The following ARHGAP35 variants were observed in gnomAD, a reference collection of about 807,000 sequenced individuals.
ARHGAP35 encodes the protein Rho GTPase activating protein 35.
ARHGAP35 carries 15 observed loss-of-function variants against 111.1 expected under a neutral mutation model. The observed-to-expected ratio is 0.13, with a 90% CI of 0.09 to 0.21. The LOEUF (loss-of-function observed/expected upper bound fraction) is 0.21, where lower values mean the gene tolerates loss of function less well. Ranked by LOEUF, ARHGAP35 falls within the 10% of genes least tolerant of loss-of-function variation. The probability of loss-of-function intolerance (pLI) is 1.00; values close to 1 mark genes in which losing one functional copy is unlikely to be tolerated. For synonymous variants in ARHGAP35, 643 were observed against 710.3 expected, an observed-to-expected ratio of 0.91 and a Z score of 1.51; for missense variants, 1,262 against 1,873.0, an observed-to-expected ratio of 0.67 and a Z score of 6.02.
intron 1 of ARHGAP35, among the ~76,000 whole-genome samples, chr19:46,862,872 C>G (rs192694527): frequency 1.3e-5 from 2 of 152,258 alleles, no homozygotes; most frequent in Admixed American, 1.3e-4. Flanking sequence ...TGTTCTGCCT[C>G]TTGTCTTCTT....
In ARHGAP35 at chr19:46,993,806, A is replaced by G. The variant is rs138557196; in HGVS notation, c.4036+4131A>G. Reference sequence around the variant, plus strand: ...GAGCAGAGCCACCTGGAGCCAAGCCAAGCAAAGGGGTGAGCGCAGTGTGGA... The same window carrying G: ...GAGCAGAGCCACCTGGAGCCAAGCCGAGCAAAGGGGTGAGCGCAGTGTGGA... On this transcript the variant is annotated intron_variant, in intron 5 of 6. Transcript: ENST00000672722. This position sits in a 1 kb window ranked among gnomAD's most constrained non-coding sequence, Gnocchi z 4.6. 6.6e-6 allele frequency among the ~76,000 whole-genome samples: 1 copy of G among 152,074 alleles called. No individual in the cohort carries two copies. Among genetic ancestry groups the G allele is most frequent in the Non-Finnish European group, 1.5e-5 (1 of 67,974 alleles).
At chr19:46,872,753 C>T (rs998434863) in intron 1 of ARHGAP35, among the ~76,000 whole-genome samples, 12 of 151,708 alleles carry the variant, frequency 7.9e-5, no homozygotes, top group Admixed American at 3.3e-4. Context: ...TGGTGGCAGG[C>T]GCCTGTAGTC....
At chr19:46,897,455 T>G (rs2056063432) in intron 1 of ARHGAP35, among the ~76,000 whole-genome samples, 1 of 151,776 alleles carries the variant, frequency 6.6e-6, no homozygotes, top group Non-Finnish European at 1.5e-5. Context: ...GTCTTTTTTT[T>G]TTTTTTTACG....
At chr19:46,941,876 T>TGAA (rs375006467) in intron 3 of ARHGAP35, among the ~76,000 whole-genome samples, 38 of 94,538 alleles carry the variant, frequency 4.0e-4, no homozygotes, top group African/African-American at 1.6e-3. Context: ...CCTGTCTCTT[T>TGAA]AAAAAAAAAA....
rs1488824958 is a variant in ARHGAP35, at chr19:46,955,374, T to A, written c.3826+17966T>A. 2.0e-5 allele frequency among the ~76,000 whole-genome samples: 3 copies of A among 152,208 alleles called. No individual in the cohort carries two copies. The East Asian group carries it at 5.8e-4, about 29-fold the overall frequency. On this transcript the variant is annotated intron_variant, in intron 3 of 6. Transcript: ENST00000672722. The stretch of plus-strand genomic sequence containing the variant: ...GTTTGAATAACAATAATGATGAGGA[T>A]AGCTAACATTGATAAGCATTATTTC...
intron 1 of ARHGAP35, among the ~76,000 whole-genome samples, chr19:46,907,623 C>A (rs2056117127): frequency 6.6e-6 from 1 of 151,710 alleles, no homozygotes; most frequent in Non-Finnish European, 1.5e-5. Context: ...GGACTACAGG[C>A]GCCCACCACT....
intron 3 of ARHGAP35, among the ~76,000 whole-genome samples, chr19:46,951,684 G>T (rs1412511544): frequency 2.0e-5 from 3 of 152,148 alleles, no homozygotes; most frequent in African/African-American, 4.8e-5. Context: ...TACTGTTGTT[G>T]GTGTTATTAT....
At chr19:46,966,513 T>C (rs8113649) in intron 3 of ARHGAP35, among the ~76,000 whole-genome samples, 35,995 of 152,126 alleles carry the variant, frequency 0.24, 4,482 homozygotes, top group Non-Finnish European at 0.28. Flanking sequence ...TGCACCACTG[T>C]ACTCCAGCCT....
At chr19:46,971,403 C>G (rs185415645) in intron 3 of ARHGAP35, among the ~76,000 whole-genome samples, 153 of 152,108 alleles carry the variant, frequency 1.0e-3, no homozygotes, top group Middle Eastern at 3.4e-3. Flanking sequence ...CAGACTCCAT[C>G]TCACACACAC....
At chr19:46,872,004 A>G (rs1599791284) in intron 1 of ARHGAP35, among the ~76,000 whole-genome samples, 1 of 152,076 alleles carries the variant, frequency 6.6e-6, no homozygotes, top group African/African-American at 2.4e-5. Context: ...CAAAGAATAT[A>G]TAGGGACCAA....
intron 1 of ARHGAP35, among the ~76,000 whole-genome samples, chr19:46,910,665 C>T (rs1366899527): frequency 6.6e-6 from 1 of 152,166 alleles, no homozygotes; most frequent in Admixed American, 6.5e-5. Flanking sequence ...TCTCAGCTCA[C>T]TGCAACCTCT....
chr19:46,960,893 C>CTT (rs1304320167), intron 3 of ARHGAP35, among the ~76,000 whole-genome samples: 7 of 132,478 alleles, frequency 5.3e-5, no homozygotes, highest in Admixed American at 1.5e-4. Flanking sequence ...ATTTCTTTGG[C>CTT]TTTTTTTTTT....
chr19:46,877,331 G>A (rs1264477761), intron 1 of ARHGAP35, among the ~76,000 whole-genome samples: 2 of 151,834 alleles, frequency 1.3e-5, no homozygotes, highest in Non-Finnish European at 2.9e-5. Flanking sequence ...GGGAGGCGGA[G>A]GTGGGTGGAT....
rs557207319 is a variant in ARHGAP35, at chr19:46,993,656, T to G, written c.4036+3981T>G. Among the ~76,000 whole-genome samples the G allele has an allele frequency of 3.4e-3, 521 of 152,294 alleles. 3 individuals carry two copies. Among genetic ancestry groups the G allele is most frequent in the Middle Eastern group, 0.027 (8 of 294 alleles). On this transcript the variant is annotated intron_variant, in intron 5 of 6. Coordinates refer to ENST00000672722, the MANE Select transcript of ARHGAP35 (RefSeq NM_004491.5). This position sits in a 1 kb window ranked among gnomAD's most constrained non-coding sequence, Gnocchi z 4.6. The stretch of plus-strand genomic sequence containing the variant: ...TTGCTGGATCTGTGTCCAGGCTGTC[T>G]TGGTTCAACTGGCCCAAAAATGCCT...
At chr19:46,995,440 C>T (rs1383010730) in intron 5 of ARHGAP35, among the ~76,000 whole-genome samples, 1 of 152,230 alleles carries the variant, frequency 6.6e-6, no homozygotes, top group Non-Finnish European at 1.5e-5. Context: ...GAAGCCAGCA[C>T]CCTGGAGGCC....
At chr19:46,874,501 C>CTTTTTTTTTTTTTTTTT (rs758783354) in intron 1 of ARHGAP35, among the ~76,000 whole-genome samples, 1 of 114,452 alleles carries the variant, frequency 8.7e-6, no homozygotes, top group Non-Finnish European at 1.7e-5. Flanking sequence ...TATGTTTTGT[C>CTTTTTTTTTTTTTTTTT]TTTTTTTTTT....
rs556086243 is a variant in ARHGAP35 at position 47,004,274 on chromosome 19, G to C, written c.*3586G>C. The C allele has an allele frequency of 6.6e-6, 1 of 152,344 alleles. No individual in the cohort carries two copies. The highest frequency in any genetic ancestry group is 1.9e-4 in the East Asian group (1 of 5,172). 9.4% of individuals were successfully genotyped at this position (152,344 alleles called of 1,614,324 possible). A position where few individuals can be genotyped will look rare whatever the true frequency, so the allele number is the denominator to read the frequency against. On this transcript the variant is annotated 3_prime_UTR_variant, in exon 7 of 7. Transcript: ENST00000672722. Reference sequence around the variant, plus strand: ...CAGAAAGTGGCCCAGGAAGGGGGCAGTTTCTGTCGCGGGTCCGGTGGGGGC... The same window carrying C: ...CAGAAAGTGGCCCAGGAAGGGGGCACTTTCTGTCGCGGGTCCGGTGGGGGC...
At chr19:46,874,296 C>G (rs994474089) in intron 1 of ARHGAP35, among the ~76,000 whole-genome samples, 18 of 152,190 alleles carry the variant, frequency 1.2e-4, no homozygotes, top group African/African-American at 4.3e-4. Context: ...TTACAGGTAA[C>G]ACAAGGAACA....
chr19:46,915,437 GGATATCA>G (rs2056157673), intron 1 of ARHGAP35, among the ~76,000 whole-genome samples: 1 of 152,102 alleles, frequency 6.6e-6, no homozygotes, highest in African/African-American at 2.4e-5. Flanking sequence ...TGGCTTTCTG[GGATATCA>G]GAAGGAAGCT....
Sources: allele counts gnomAD v4.1 joint callset (sites outside exome capture counted in the v4.1 genomes callset), GRCh38; gene constraint gnomAD v4.1.1; non-coding constraint Gnocchi (gnomAD v3.1); transcripts MANE v1.5; gene names NCBI Gene and HGNC (gene_info 2026-07-23, HGNC 2026-07-21).